The following SSPN variants were observed in gnomAD, a reference collection of about 807,000 sequenced individuals.
SSPN encodes sarcospan, also known as K-ras oncogene-associated protein.
In SSPN, 15 loss-of-function variants were observed where a neutral mutation model predicts 19.1. That is an observed-to-expected ratio of 0.78 (90% CI 0.52 to 1.21). The LOEUF is 1.21. Among genes scored for constraint, SSPN ranks in the 50% most tolerant of loss-of-function variants. The probability of loss-of-function intolerance (pLI) is 0.00; values close to 1 mark genes in which losing one functional copy is unlikely to be tolerated. For missense variants in SSPN, 291 were observed against 314.0 expected, an observed-to-expected ratio of 0.93 and a Z score of 0.55; for synonymous variants, 147 against 140.3, an observed-to-expected ratio of 1.05 and a Z score of -0.34.
chr12:26,212,140 C>T (rs1271195744), intron 1 of SSPN, among the ~76,000 whole-genome samples: 2 of 152,102 alleles, frequency 1.3e-5, no homozygotes, highest in African/African-American at 2.4e-5. Flanking sequence ...GGTGAGGAAG[C>T]CCTGCTTTTG....
At chr12:26,197,945 C>T (rs1288445990) in intron 1 of SSPN, among the ~76,000 whole-genome samples, 2 of 152,188 alleles carry the variant, frequency 1.3e-5, no homozygotes, top group African/African-American at 4.8e-5. Flanking sequence ...GAACAACTCT[C>T]ATCCTAGCAG....
At chr12:26,218,602 T>C (rs967255642) in intron 1 of SSPN, among the ~76,000 whole-genome samples, 8 of 152,126 alleles carry the variant, frequency 5.3e-5, no homozygotes, top group African/African-American at 1.9e-4. Context: ...TGAACCACTC[T>C]TAGGCTTTGT....
chr12:26,175,963 T>C (rs1470767295), intron 1 of SSPN, among the ~76,000 whole-genome samples: 1 of 151,926 alleles, frequency 6.6e-6, no homozygotes, highest in African/African-American at 2.4e-5. Flanking sequence ...CAGCCTCCCA[T>C]GTAGCCGATA....
rs1200259126 is a variant in SSPN, at chr12:26,152,323, TGTA to T, written c.-31+30175_-31+30177del. Among the ~76,000 whole-genome samples, 3 of 152,156 alleles carry T rather than the reference TGTA, an allele frequency of 2.0e-5. No homozygotes were observed. The East Asian group carries it at 5.8e-4, about 29-fold the overall frequency. On this transcript the variant is annotated intron_variant, in intron 1 of 2. Transcript: ENST00000538142. ...TCAAGATCATAGATAACAATAAAAATGTAGTATAAGTAAAACAATTAGGAAGTG... is the reference window on the plus strand; with the variant it reads ...TCAAGATCATAGATAACAATAAAAATGTATAAGTAAAACAATTAGGAAGTG...
chr12:26,222,246 G>C (rs1215610039), intron 1 of SSPN, among the ~76,000 whole-genome samples: 1 of 152,180 alleles, frequency 6.6e-6, no homozygotes, highest in Non-Finnish European at 1.5e-5. Flanking sequence ...GAAAACCCTG[G>C]AAACAGTCTA....
chr12:26,130,710 G>T (rs1317931336), intron 1 of SSPN, among the ~76,000 whole-genome samples: 3 of 152,194 alleles, frequency 2.0e-5, no homozygotes, highest in Non-Finnish European at 4.4e-5. Context: ...CATAAAAGAA[G>T]TCTGAAGGTA....
At chr12:26,145,734 T>C (rs942827318) in intron 1 of SSPN, among the ~76,000 whole-genome samples, 3 of 152,198 alleles carry the variant, frequency 2.0e-5, no homozygotes, top group African/African-American at 7.2e-5. Context: ...GATTGGGTAC[T>C]GGTGGAGATG....
At chr12:26,176,609 TTCTTC>T (rs1251014897) in intron 1 of SSPN, among the ~76,000 whole-genome samples, 1 of 152,092 alleles carries the variant, frequency 6.6e-6, no homozygotes, top group Non-Finnish European at 1.5e-5. Flanking sequence ...TCTCCCTTAT[TTCTTC>T]TCTTCTCAAG....
rs1319564389 is a variant in SSPN, at chr12:26,140,122, C to A, written c.-31+17970C>A. Among the ~76,000 whole-genome samples the A allele has an allele frequency of 3.3e-5, 5 of 152,174 alleles. No individual in the cohort carries two copies. The East Asian group carries it at 7.7e-4, about 23-fold the overall frequency. On this transcript the variant is annotated intron_variant, in intron 1 of 2. Transcript: ENST00000538142. ...ATAAATTCAACTTCCTACCTGATAA[C>A]TCCTTTTGGATTTCATGTAGTTATT...
chr12:26,135,248 GGGCTGAGTGGA>G (rs1431746599), intron 1 of SSPN, among the ~76,000 whole-genome samples: 2 of 152,126 alleles, frequency 1.3e-5, no homozygotes, highest in Admixed American at 6.5e-5. Context: ...CAGGTTTGCT[GGGCTGAGTGGA>G]TCACAGGAGG....
chr12:26,192,584 T>C (rs553037835), upstream of SSPN, among the ~76,000 whole-genome samples: 1 of 152,350 alleles, frequency 6.6e-6, no homozygotes, highest in South Asian at 2.1e-4. Flanking sequence ...GAAAATGACA[T>C]CCTCGTCACT....
intron 2 of SSPN, among the ~76,000 whole-genome samples, chr12:26,229,396 A>G (rs1945208184): frequency 6.6e-6 from 1 of 152,226 alleles, no homozygotes; most frequent in Non-Finnish European, 1.5e-5. Context: ...ACATGCACAC[A>G]TACCACTCAA....
chr12:26,224,486 T>G lies in SSPN; in HGVS notation c.366+107T>G. 3 of 1,017,782 alleles carry G rather than the reference T, an allele frequency of 2.9e-6. No homozygotes were observed. The South Asian group carries it at 4.1e-5, about 14-fold the overall frequency. 63.0% of individuals were successfully genotyped at this position (1,017,782 alleles called of 1,614,324 possible). A position where few individuals can be genotyped will look rare whatever the true frequency, so the allele number is the denominator to read the frequency against. On this transcript the variant is annotated intron_variant, in intron 2 of 2. Coordinates refer to ENST00000242729, the MANE Select transcript of SSPN (RefSeq NM_005086.5). Reference sequence around the variant, plus strand: ...GTTGCATATCTGATTAGTCTAGAAATTGCATTTTTAGGCAGGCCAAAAAAT... The same window carrying G: ...GTTGCATATCTGATTAGTCTAGAAAGTGCATTTTTAGGCAGGCCAAAAAAT...
At chr12:26,122,697 T>A in intron 1 of SSPN, 1 of 1,565,324 alleles carries the variant, frequency 6.4e-7, no homozygotes, top group Non-Finnish European at 8.6e-7. Context: ...CGCCGGCGAG[T>A]CCTCCCCGGG....
intron 1 of SSPN, among the ~76,000 whole-genome samples, chr12:26,188,849 G>T (rs182049953): frequency 7.6e-4 from 116 of 152,194 alleles, no homozygotes; most frequent in African/African-American, 2.2e-3. Flanking sequence ...GGTATGTGGC[G>T]GGGATGTCTG....
chr12:26,167,637 T>G (rs1944629173), intron 1 of SSPN, among the ~76,000 whole-genome samples: 4 of 152,246 alleles, frequency 2.6e-5, no homozygotes, highest in South Asian at 2.1e-4. Flanking sequence ...ACCGTCAGTT[T>G]ACCATCTGCG....
intron 1 of SSPN, among the ~76,000 whole-genome samples, chr12:26,145,449 ATG>A (rs1944484369): frequency 6.6e-6 from 1 of 152,150 alleles, no homozygotes; most frequent in Non-Finnish European, 1.5e-5. Flanking sequence ...GTGAAGTGAA[ATG>A]TGTGTCAATG....
At chr12:26,217,056 G>C (rs200175433) in intron 1 of SSPN, among the ~76,000 whole-genome samples, 614 of 136,570 alleles carry the variant, frequency 4.5e-3, no homozygotes, top group East Asian at 0.013. Flanking sequence ...TTGGTGATGC[G>C]AGCTCTTTTT....
chr12:26,150,177 T>C (rs1273399552), intron 1 of SSPN, among the ~76,000 whole-genome samples: 1 of 152,204 alleles, frequency 6.6e-6, no homozygotes, highest in Non-Finnish European at 1.5e-5. Flanking sequence ...AAGGAAGCAC[T>C]TTGGAGAAAG....
Sources: allele counts gnomAD v4.1 joint callset (sites outside exome capture counted in the v4.1 genomes callset), GRCh38; gene constraint gnomAD v4.1.1; transcripts MANE v1.5; gene names NCBI Gene and HGNC (gene_info 2026-07-23, HGNC 2026-07-21).